Variants in INPP4B observed in about 807,000 individuals in gnomAD.
The protein encoded by INPP4B is inositol polyphosphate-4-phosphatase type II B.
INPP4B carries 55 observed loss-of-function variants against 122.5 expected under a neutral mutation model. That is an observed-to-expected ratio of 0.45 (90% CI 0.36 to 0.56). The LOEUF is 0.56. Among genes scored for constraint, INPP4B ranks in the 20% least tolerant of loss-of-function variants. The pLI is 0.00. For synonymous variants in INPP4B, 403 were observed against 388.7 expected (o/e 1.04, Z -0.43); for missense variants, 1,000 against 1,097.7 (o/e 0.91, Z 1.26).
intron 23 of INPP4B, among the ~76,000 whole-genome samples, chr4:142,102,286 T>C (rs1047812944): frequency 6.6e-6 from 1 of 152,054 alleles, no homozygotes; most frequent in Non-Finnish European, 1.5e-5. Context: ...TAACTAAATG[T>C]ACTAAATGTT....
intron 17 of INPP4B, among the ~76,000 whole-genome samples, chr4:142,147,662 TG>T (rs1264488122): frequency 6.6e-6 from 1 of 152,204 alleles, no homozygotes; most frequent in Admixed American, 6.5e-5. Flanking sequence ...CAAAACTTAC[TG>T]GCTTTCCTAA....
intron 8 of INPP4B, among the ~76,000 whole-genome samples, chr4:142,308,802 G>A (rs1308693780): frequency 6.6e-6 from 1 of 151,954 alleles, no homozygotes; most frequent in African/African-American, 2.4e-5. Context: ...TTCTATCAGG[G>A]GAAAATAAAG....
At chr4:142,110,999 C>G (rs1789739288) in intron 22 of INPP4B, among the ~76,000 whole-genome samples, 1 of 152,092 alleles carries the variant, frequency 6.6e-6, no homozygotes, top group African/African-American at 2.4e-5. Flanking sequence ...TGTTCCCCTG[C>G]TCCAAGTTGT....
intron 2 of INPP4B, among the ~76,000 whole-genome samples, chr4:142,470,049 T>C (rs1818536406): frequency 1.3e-5 from 2 of 151,964 alleles, no homozygotes; most frequent in Admixed American, 1.3e-4. Flanking sequence ...AAATAAAAAG[T>C]AAAGAAAAAT....
Position 142,457,081 on chromosome 4 carries a change from T to A in INPP4B, c.-127+5582A>T, listed in dbSNP as rs112357241. 2.5e-3 allele frequency among the ~76,000 whole-genome samples: 376 copies of A among 152,106 alleles called. 1 individual carries two copies. The highest frequency in any genetic ancestry group is 8.9e-3 in the African/African-American group (368 of 41,560). On this transcript the variant is annotated intron_variant, in intron 3 of 25. Coordinates refer to ENST00000262992, the MANE Select transcript of INPP4B (RefSeq NM_001101669.3). ...ATTATTTAAATAAATAGTGTAACAATTGAATATCCATGTGCAAAAGAACAA... is the reference window on the plus strand; with the variant it reads ...ATTATTTAAATAAATAGTGTAACAAATGAATATCCATGTGCAAAAGAACAA...
intron 9 of INPP4B, among the ~76,000 whole-genome samples, chr4:142,300,218 G>T (rs1760807586): frequency 6.6e-6 from 1 of 152,090 alleles, no homozygotes; most frequent in Non-Finnish European, 1.5e-5. Context: ...TATAAAACAT[G>T]CCTGGCCTCC....
At position 142,618,731 on chromosome 4, in the gene INPP4B, T is replaced by C. The variant is rs375662338; in HGVS notation, c.-191+107108A>G. On this transcript the variant is annotated intron_variant, in intron 2 of 25. Coordinates refer to ENST00000262992, the MANE Select transcript of INPP4B (RefSeq NM_001101669.3). ...GGCAATGAATGCAAAACTAGGCAAA[T>C]GGGACTATACCAAACTAAAAAGCTT... Among the ~76,000 whole-genome samples, 40 of 152,072 alleles carry C rather than the reference T, an allele frequency of 2.6e-4. 1 individual carries two copies. The highest frequency in any genetic ancestry group is 8.9e-4 in the African/African-American group (37 of 41,508).
rs181648675 is a variant in INPP4B at position 142,681,525 on chromosome 4, T to C, written c.-191+44314A>G. Among the ~76,000 whole-genome samples the C allele has an allele frequency of 2.6e-3, 400 of 151,890 alleles. 1 individual carries two copies. The highest frequency in any genetic ancestry group is 9.2e-3 in the African/African-American group (380 of 41,488). On this transcript the variant is annotated intron_variant, in intron 2 of 25. Coordinates refer to ENST00000262992, the MANE Select transcript of INPP4B (RefSeq NM_001101669.3). ...TCAAATAACGAATTTAAAAGTGGCA[T>C]TAATTTTGGCATTAAAGAAAACATC...
chr4:142,042,076 C>G (rs570163638), intron 25 of INPP4B, among the ~76,000 whole-genome samples: 7 of 152,144 alleles, frequency 4.6e-5, no homozygotes, highest in African/African-American at 1.4e-4. Context: ...GCAAGTCAGA[C>G]CATTCAGCAA....
intron 7 of INPP4B, among the ~76,000 whole-genome samples, chr4:142,340,391 G>T (rs1579787878): frequency 8.7e-6 from 1 of 114,544 alleles, no homozygotes; most frequent in African/African-American, 3.0e-5. Flanking sequence ...GCCATATAAC[G>T]TACTTCTTTC....
rs1428613850 is a variant in INPP4B, at chr4:142,123,327, A to G, written c.1982T>C (p.Leu661Ser). ...GFLQQLHTVG[L>S]IVQYEGLLST... The stretch of plus-strand genomic sequence containing the variant: ...TAGCAGTCCTTCATATTGTACTATC[A>G]ACCCCACTGTGTGAAGCTGCTGTAG... The change falls in exon 20 of 26, where the codon TTG (leucine) becomes TCG (serine). Residue 661 changes from leucine (L) to serine (S), a missense_variant. Transcript: ENST00000262992. The G allele has an allele frequency of 1.9e-6, 3 of 1,612,832 alleles. No homozygotes were observed. Among genetic ancestry groups the G allele is most frequent in the Non-Finnish European group, 2.5e-6 (3 of 1,179,160 alleles).
intron 1 of INPP4B, among the ~76,000 whole-genome samples, chr4:142,778,212 A>G (rs1303512427): frequency 6.6e-6 from 1 of 152,156 alleles, no homozygotes; most frequent in Non-Finnish European, 1.5e-5. Context: ...TGACCTAGCA[A>G]TAGGTATTCA....
At chr4:142,638,035 A>C (rs1749557843) in intron 2 of INPP4B, among the ~76,000 whole-genome samples, 1 of 152,208 alleles carries the variant, frequency 6.6e-6, no homozygotes, top group Non-Finnish European at 1.5e-5. Context: ...CCATTTAAAA[A>C]AATTAAGCTG....
intron 25 of INPP4B, among the ~76,000 whole-genome samples, chr4:142,056,231 G>T (rs909563025): frequency 6.6e-6 from 1 of 152,066 alleles, no homozygotes; most frequent in African/African-American, 2.4e-5. Context: ...ATACCAGGGG[G>T]TTGGGAACCC....
rs183155025 is a variant in INPP4B, at chr4:142,183,988, T to C, written c.1181+9099A>G. Among the ~76,000 whole-genome samples, 380 of 152,312 alleles carry C rather than the reference T, an allele frequency of 2.5e-3. 1 individual carries two copies. Among genetic ancestry groups the C allele is most frequent in the Non-Finnish European group, 1.5e-3 (100 of 68,024 alleles). ...AGACAAGAAAATCCAAGAGTGGTTA[T>C]GTATTTTGTCATTTTCAGACTGCCT... is the stretch of plus-strand genomic sequence containing the variant. On this transcript the variant is annotated intron_variant, in intron 15 of 25. Transcript: ENST00000262992.
intron 5 of INPP4B, among the ~76,000 whole-genome samples, chr4:142,424,999 T>C (rs1054452609): frequency 5.3e-5 from 8 of 152,088 alleles, no homozygotes; most frequent in African/African-American, 1.9e-4. Flanking sequence ...GTTAAACAAT[T>C]TGAATCACAG....
intron 3 of INPP4B, among the ~76,000 whole-genome samples, chr4:142,450,367 A>G (rs1813865065): frequency 6.6e-6 from 1 of 152,192 alleles, no homozygotes; most frequent in Non-Finnish European, 1.5e-5. Flanking sequence ...ACTAAAAGCA[A>G]TGTGGGTTTT....
At chr4:142,142,266 T>C (rs1808257621) in intron 18 of INPP4B, among the ~76,000 whole-genome samples, 1 of 152,146 alleles carries the variant, frequency 6.6e-6, no homozygotes, top group Non-Finnish European at 1.5e-5. Flanking sequence ...TAACATGTTA[T>C]ACAATGTCAA....
chr4:142,516,129 T>C (rs1475071954), intron 2 of INPP4B, among the ~76,000 whole-genome samples: 1 of 152,168 alleles, frequency 6.6e-6, no homozygotes, highest in African/African-American at 2.4e-5. Context: ...GTCATGAAGA[T>C]ATTCAGGGGA....
Sources: allele counts gnomAD v4.1 joint callset (sites outside exome capture counted in the v4.1 genomes callset), GRCh38; gene constraint gnomAD v4.1.1; transcripts MANE v1.5; gene names NCBI Gene and HGNC (gene_info 2026-07-23, HGNC 2026-07-21).